Variants in TFAP2C observed in about 807,000 individuals in gnomAD.
TFAP2C encodes the protein transcription factor AP-2 gamma, also known as activating enhancer-binding protein 2 gamma.
TFAP2C carries 9 observed loss-of-function variants against 42.9 expected under a neutral mutation model. The ratio of observed to expected loss-of-function variants is 0.21; its 90% CI spans 0.13 to 0.37. TFAP2C has a LOEUF of 0.37. Among genes scored for constraint, TFAP2C ranks in the 10% least tolerant of loss-of-function variants. The pLI, the probability that TFAP2C is intolerant of heterozygous loss-of-function variation, is 1.00. For missense variants in TFAP2C, 462 were observed against 591.7 expected (o/e 0.78, Z 2.27); for synonymous variants, 264 against 256.0 (o/e 1.03, Z -0.30).
chr20:56,636,564 C>A, intron 5 of TFAP2C, 46 bp from the exon 6 acceptor site: 4 of 1,562,202 alleles, frequency 2.6e-6, no homozygotes, highest in Non-Finnish European at 3.5e-6. Context: ...GGCAGTTTGG[C>A]CTCAGTGACC....
In TFAP2C at chr20:56,631,543, C is replaced by G. The variant is rs1333644129; in HGVS notation, c.387C>G (p.Ser129=). Residue 129 remains serine, a synonymous_variant, in exon 2 of 7, where the codon TCC becomes TCG. Transcript: ENST00000201031. This position sits in a 1 kb window ranked among gnomAD's most constrained non-coding sequence, Gnocchi z 6.1. ...GRPAGLLPHL[S]GLEAGAVSAR... ...CGGCCGGCCTACTGCCCCACCTCTC[C>G]GGGCTGGAGGCGGGCGCGGTGAGCG... The G allele has an allele frequency of 2.6e-6, 4 of 1,530,576 alleles. No individual in the cohort carries two copies. The highest frequency in any genetic ancestry group is 3.5e-6 in the Non-Finnish European group (4 of 1,145,270). 94.8% of individuals were successfully genotyped at this position (1,530,576 alleles called of 1,614,324 possible).
In TFAP2C at chr20:56,631,891, A is replaced by G. The variant is rs755720910; in HGVS notation, c.586+35A>G. Reference sequence around the variant, plus strand: ...AAGGTGGCATCGTCTAACTCTGGTCACACGATCTGGGCTTGTGAAGTTGAC... The same window carrying G: ...AAGGTGGCATCGTCTAACTCTGGTCGCACGATCTGGGCTTGTGAAGTTGAC... On this transcript the variant is annotated intron_variant, in intron 3 of 6. Transcript: ENST00000201031. The surrounding 1 kb of genome is among the most constrained non-coding windows in gnomAD (Gnocchi z 6.1). 1 of 1,613,208 alleles carries G rather than the reference A, an allele frequency of 6.2e-7. No individual in the cohort carries two copies. Among genetic ancestry groups the G allele is most frequent in the East Asian group, 2.2e-5 (1 of 44,878 alleles).
intron 5 of TFAP2C, among the ~76,000 whole-genome samples, chr20:56,635,689 A>T (rs1238729452): frequency 6.6e-6 from 1 of 152,142 alleles, no homozygotes; most frequent in Non-Finnish European, 1.5e-5. Flanking sequence ...AAGAGAAAAC[A>T]TGGGTATGTT....
rs2146445948 is a variant in TFAP2C at position 56,630,979 on chromosome 20, G to A, written c.49-226G>A. The A allele has an allele frequency of 1.0e-6, 1 of 985,350 alleles. No individual in the cohort carries two copies. The highest frequency in any genetic ancestry group is 4.7e-5 in the South Asian group (1 of 21,290). 61.0% of individuals were successfully genotyped at this position (985,350 alleles called of 1,614,324 possible). On this transcript the variant is annotated intron_variant, in intron 1 of 6. Coordinates refer to ENST00000201031, the MANE Select transcript of TFAP2C (RefSeq NM_003222.4). The surrounding 1 kb of genome is among the most constrained non-coding windows in gnomAD (Gnocchi z 5.1). The stretch of plus-strand genomic sequence containing the variant: ...CTTCGCCGCCGGGCTTTGAGAACTC[G>A]TTCCCCCAGGTCTTTCACCAGACTC...
chr20:56,631,528 A>T lies in TFAP2C; in HGVS notation c.372A>T (p.Leu124=), dbSNP rs1181167984. The T allele has an allele frequency of 1.3e-6, 2 of 1,519,796 alleles. No homozygotes were observed. Among genetic ancestry groups the T allele is most frequent in the East Asian group, 5.1e-5 (2 of 39,314 alleles). The allele number at this position is 1,519,796 out of a possible 1,614,324, so 94.1% of individuals were successfully genotyped here. The change falls in exon 2 of 7, where the codon CTA becomes CTT. Residue 124 remains leucine, a synonymous_variant. Coordinates refer to ENST00000201031, the MANE Select transcript of TFAP2C (RefSeq NM_003222.4). This position sits in a 1 kb window ranked among gnomAD's most constrained non-coding sequence, Gnocchi z 6.1. ...CGCACCACGGGCGCCCGGCCGGCCT[A>T]CTGCCCCACCTCTCCGGGCTGGAGG... ...LPSHHGRPAG[L]LPHLSGLEAG...
At chr20:56,635,234 G>A (rs1041006564) in intron 5 of TFAP2C, among the ~76,000 whole-genome samples, 2 of 152,140 alleles carry the variant, frequency 1.3e-5, no homozygotes, top group African/African-American at 4.8e-5. Context: ...TAGAATCGGC[G>A]GTTCTGCTGG....
rs755442313 is a variant in TFAP2C at position 56,631,754 on chromosome 20, ACTC to A, written c.535-47_535-45del. 2.5e-6 allele frequency: 4 copies of A among 1,611,310 alleles called. No homozygotes were observed. In the Admixed American group the frequency reaches 6.7e-5, roughly 27 times the overall value. ...CTACGGCCTTCTGCCCCCACCCCGC[ACTC>A]CTCTAGGCTCCCCCGAACTTAAGGG... On this transcript the variant is annotated intron_variant, in intron 2 of 6. Transcript: ENST00000201031. The surrounding 1 kb of genome is among the most constrained non-coding windows in gnomAD (Gnocchi z 6.1).
At position 56,638,648 on chromosome 20, in the gene TFAP2C, A is replaced by C. The variant is rs928667322; in HGVS notation, c.*635A>C. On this transcript the variant is annotated 3_prime_UTR_variant, in exon 7 of 7. Coordinates refer to ENST00000201031, the MANE Select transcript of TFAP2C (RefSeq NM_003222.4). ...TTGTAGAAACGAAGCCTGCTGATTG[A>C]TTTTTTTCTCCTTTTTTTTTTTTTT... The C allele has an allele frequency of 1.6e-5, 2 of 121,658 alleles. No homozygotes were observed. The highest frequency in any genetic ancestry group is 5.5e-4 in the East Asian group (2 of 3,606). 7.5% of individuals were successfully genotyped at this position (121,658 alleles called of 1,614,324 possible).
In TFAP2C at chr20:56,629,512, A is replaced by G. The variant is rs749145947; in HGVS notation, c.-33A>G. 1 of 1,397,050 alleles carries G rather than the reference A, an allele frequency of 7.2e-7. No individual in the cohort carries two copies. The highest frequency in any genetic ancestry group is 1.9e-5 in the South Asian group (1 of 51,600). 86.5% of individuals were successfully genotyped at this position (1,397,050 alleles called of 1,614,324 possible). A position where few individuals can be genotyped will look rare whatever the true frequency, so the allele number is the denominator to read the frequency against. Reference sequence around the variant, plus strand: ...TGGGGGCTGGGGGGATCCTGGATTTAACTGGCGACTGTTTTGGGGGACGCC... The same window carrying G: ...TGGGGGCTGGGGGGATCCTGGATTTGACTGGCGACTGTTTTGGGGGACGCC... On this transcript the variant is annotated 5_prime_UTR_variant, in exon 1 of 7. Transcript: ENST00000201031. The surrounding 1 kb of genome is among the most constrained non-coding windows in gnomAD (Gnocchi z 5.9).
Position 56,631,523 on chromosome 20 carries a change from G to C in TFAP2C, c.367G>C (p.Gly123Arg). 6.6e-7 allele frequency: 1 copy of C among 1,509,430 alleles called. No individual in the cohort carries two copies. The highest frequency in any genetic ancestry group is 8.8e-7 in the Non-Finnish European group (1 of 1,137,374). The allele number at this position is 1,509,430 out of a possible 1,614,324, so 93.5% of individuals were successfully genotyped here. A position where few individuals can be genotyped will look rare whatever the true frequency, so the allele number is the denominator to read the frequency against. ...GCCCTCGCACCACGGGCGCCCGGCC[G>C]GCCTACTGCCCCACCTCTCCGGGCT... is the stretch of plus-strand genomic sequence containing the variant. ...GLPSHHGRPA[G>R]LLPHLSGLEA... The change falls in exon 2 of 7, where the codon GGC (glycine) becomes CGC (arginine). Residue 123 changes from glycine (G) to arginine (R), a missense_variant. Around this residue, in one of 5 missense-constraint regions of TFAP2C, gnomAD observed 271 missense variants for 269.7 expected, o/e 1.00. Coordinates refer to ENST00000201031, the MANE Select transcript of TFAP2C (RefSeq NM_003222.4). The surrounding 1 kb of genome is among the most constrained non-coding windows in gnomAD (Gnocchi z 6.1).
At chr20:56,637,398 G>C (rs560308805) in intron 6 of TFAP2C, among the ~76,000 whole-genome samples, 51 of 152,330 alleles carry the variant, frequency 3.3e-4, no homozygotes, top group African/African-American at 1.2e-3. Flanking sequence ...AAGGTAAACT[G>C]TCCCTTAAGC....
chr20:56,636,164 A>G (rs528787965), intron 5 of TFAP2C, among the ~76,000 whole-genome samples: 1 of 152,282 alleles, frequency 6.6e-6, no homozygotes, highest in Admixed American at 6.5e-5. Flanking sequence ...AGAAAGTTCT[A>G]CCTACCAGCT....
rs1987616930 is a variant in TFAP2C, at chr20:56,637,941, C to T, written c.1281C>T (p.Tyr427=). Residue 427 remains tyrosine (Y), a synonymous_variant, in exon 7 of 7, where the codon TAC becomes TAT. Transcript: ENST00000201031. ...CCCTGATTGTCATAGACAAATCCTA[C>T]ATGAACCCTGGAGACCAGAGTCCAG... ...KEALIVIDKS[Y]MNPGDQSPAD... is the part of the protein sequence containing the mutation. 1.9e-6 allele frequency: 3 copies of T among 1,613,858 alleles called. No homozygotes were observed. The highest frequency in any genetic ancestry group is 4.5e-5 in the East Asian group (2 of 44,894).
rs912207324 is a variant in TFAP2C, at chr20:56,630,864, C to T, written c.49-341C>T. On this transcript the variant is annotated intron_variant, in intron 1 of 6. Transcript: ENST00000201031. This position sits in a 1 kb window ranked among gnomAD's most constrained non-coding sequence, Gnocchi z 5.1. ...GCCCCGGGCTCTGGCTCCTTCGCCC[C>T]GGGCTCCGGCCACGGACTTTTCTGG... The T allele has an allele frequency of 3.0e-6, 3 of 985,162 alleles. No homozygotes were observed. Among genetic ancestry groups the T allele is most frequent in the South Asian group, 9.4e-5 (2 of 21,292 alleles). 61.0% of individuals were successfully genotyped at this position (985,162 alleles called of 1,614,324 possible). A position where few individuals can be genotyped will look rare whatever the true frequency, so the allele number is the denominator to read the frequency against.
At chr20:56,635,887 A>G (rs545332566) in intron 5 of TFAP2C, among the ~76,000 whole-genome samples, 50 of 152,274 alleles carry the variant, frequency 3.3e-4, no homozygotes, top group African/African-American at 1.1e-3. Context: ...ATAATACCTA[A>G]TACTATGTAA....
rs1987470450 is a variant in TFAP2C, at chr20:56,630,664, C to T, written c.49-541C>T. The T allele has an allele frequency of 4.1e-6, 4 of 982,894 alleles. No homozygotes were observed. In the South Asian group the frequency reaches 1.9e-4, roughly 46 times the overall value. The allele number at this position is 982,894 out of a possible 1,614,324, so 60.9% of individuals were successfully genotyped here. ...GGCGGGCCCTGCTTTCCGAGCGCCG[C>T]CCGCTCGGAGGTCTTTGTCCCGAGG... On this transcript the variant is annotated intron_variant, in intron 1 of 6. Transcript: ENST00000201031. This position sits in a 1 kb window ranked among gnomAD's most constrained non-coding sequence, Gnocchi z 5.1.
At position 56,633,575 on chromosome 20, in the gene TFAP2C, T is replaced by TG. The variant is rs1987532676; in HGVS notation, c.803+10dup. The TG allele has an allele frequency of 6.2e-7, 1 of 1,612,026 alleles. No individual in the cohort carries two copies. Among genetic ancestry groups the TG allele is most frequent in the East Asian group, 2.2e-5 (1 of 44,874 alleles). On this transcript the variant is annotated splice_region_variant and intron_variant, in intron 4 of 6. Coordinates refer to ENST00000201031, the MANE Select transcript of TFAP2C (RefSeq NM_003222.4). ...CTGGGAGGTGTTCTCAGAAGGTACT[T>TG]GGGGCACAATTCTAGGCATAGTGGT...
In TFAP2C at chr20:56,630,650, C is replaced by T. The variant is rs971507673; in HGVS notation, c.49-555C>T. Reference sequence around the variant, plus strand: ...GGGCGGCGCAGGGTGGCGGGCCCTGCTTTCCGAGCGCCGCCCGCTCGGAGG... The same window carrying T: ...GGGCGGCGCAGGGTGGCGGGCCCTGTTTTCCGAGCGCCGCCCGCTCGGAGG... On this transcript the variant is annotated intron_variant, in intron 1 of 6. Coordinates refer to ENST00000201031, the MANE Select transcript of TFAP2C (RefSeq NM_003222.4). This position sits in a 1 kb window ranked among gnomAD's most constrained non-coding sequence, Gnocchi z 5.1. 50 of 978,858 alleles carry T rather than the reference C, an allele frequency of 5.1e-5. No homozygotes were observed. The highest frequency in any genetic ancestry group is 1.2e-4 in the Admixed American group (2 of 16,260). 60.6% of individuals were successfully genotyped at this position (978,858 alleles called of 1,614,324 possible). A position where few individuals can be genotyped will look rare whatever the true frequency, so the allele number is the denominator to read the frequency against.
chr20:56,631,379 C>T lies in TFAP2C; in HGVS notation c.223C>T (p.Pro75Ser), dbSNP rs1428899248. ...GCTGGCCTACTCCCAGTCGGCCGAC[C>T]CCTACTCGCATCTGGGGGAAGCGTA... ...QQLAYSQSADPYSHLGEAYAA... is the reference protein window; with the variant it reads ...QQLAYSQSADSYSHLGEAYAA... Residue 75 changes from proline (P) to serine (S), a missense_variant, in exon 2 of 7, where the codon CCC (proline) becomes TCC (serine). Around this residue, in one of 5 missense-constraint regions of TFAP2C, gnomAD observed 271 missense variants for 269.7 expected, o/e 1.00. Coordinates refer to ENST00000201031, the MANE Select transcript of TFAP2C (RefSeq NM_003222.4). The surrounding 1 kb of genome is among the most constrained non-coding windows in gnomAD (Gnocchi z 6.1). The T allele has an allele frequency of 1.2e-6, 2 of 1,611,394 alleles. No individual in the cohort carries two copies. The highest frequency in any genetic ancestry group is 1.7e-4 in the Middle Eastern group (1 of 6,048).
Sources: gnomAD v4.1 joint callset for allele counts (sites outside exome capture counted in the v4.1 genomes callset) on GRCh38, gnomAD v4.1.1 for gene constraint, gnomAD v4.1.1 regional missense constraint, Gnocchi (gnomAD v3.1) non-coding constraint, MANE v1.5 for transcripts, NCBI Gene and HGNC (gene_info 2026-07-23, HGNC 2026-07-21) for gene names.